The following KIF1B variants were observed in gnomAD, a reference collection of about 807,000 sequenced individuals.
KIF1B encodes kinesin-like protein KIF1B.
In KIF1B, 76 loss-of-function variants were observed where a neutral mutation model predicts 241.9. The observed-to-expected ratio is 0.31, with a 90% CI of 0.26 to 0.38. KIF1B has a LOEUF of 0.38. Ranked by LOEUF, KIF1B falls within the 10% of genes least tolerant of loss-of-function variation. The pLI, the probability that KIF1B is intolerant of heterozygous loss-of-function variation, is 1.00. For synonymous variants in KIF1B, 750 were observed against 796.7 expected (o/e 0.94, Z 0.99); for missense variants, 1,622 against 2,271.4 (o/e 0.71, Z 5.81).
chr1:10,315,067 T>A (rs1319123780), intron 22 of KIF1B, among the ~76,000 whole-genome samples: 1 of 151,312 alleles, frequency 6.6e-6, no homozygotes, highest in Admixed American at 6.6e-5. Context: ...TGAACTTTTG[T>A]ATACCCATAC....
intron 1 of KIF1B, among the ~76,000 whole-genome samples, chr1:10,215,676 G>A (rs958681882): frequency 1.3e-5 from 2 of 151,992 alleles, no homozygotes; most frequent in African/African-American, 4.8e-5. Context: ...CTCCTGAGTA[G>A]CTGGGATCAC....
chr1:10,348,427 A>G (rs1652666107), intron 36 of KIF1B, among the ~76,000 whole-genome samples: 1 of 152,180 alleles, frequency 6.6e-6, no homozygotes, highest in African/African-American at 2.4e-5. Context: ...GAGAAAAAGA[A>G]TTTTTTAAAA....
intron 1 of KIF1B, among the ~76,000 whole-genome samples, chr1:10,229,380 T>A (rs968785050): frequency 1.3e-5 from 2 of 152,120 alleles, no homozygotes; most frequent in Non-Finnish European, 2.9e-5. Flanking sequence ...GAAATGTATG[T>A]CATTCATTTC....
chr1:10,307,740 G>C (rs1650900083), intron 22 of KIF1B: 1 of 1,032,756 alleles, frequency 9.7e-7, no homozygotes, highest in African/African-American at 1.7e-5. Context: ...TGGGAAAAAA[G>C]TGTTTATTCT....
At chr1:10,287,445 T>C (rs1012403054) in intron 15 of KIF1B, among the ~76,000 whole-genome samples, 1 of 152,176 alleles carries the variant, frequency 6.6e-6, no homozygotes, top group African/African-American at 2.4e-5. Flanking sequence ...AGTTTTCTTA[T>C]CTCGTGAATG....
chr1:10,352,788 G>C (rs1569881001), intron 38 of KIF1B, 52 bp downstream of exon 38: 2 of 1,299,682 alleles, frequency 1.5e-6, no homozygotes, highest in African/African-American at 2.9e-5. Context: ...GCGTTAATTG[G>C]TACACCGTTA....
In KIF1B at chr1:10,379,787, G is replaced by T. The variant is rs1638976507; in HGVS notation, c.*3200G>T. 3 of 230,670 alleles carry T rather than the reference G, an allele frequency of 1.3e-5. No homozygotes were observed. In the East Asian group the frequency reaches 1.9e-4, roughly 14 times the overall value. 14.3% of individuals were successfully genotyped at this position (230,670 alleles called of 1,614,324 possible). On this transcript the variant is annotated 3_prime_UTR_variant, in exon 49 of 49. Coordinates refer to ENST00000676179, the MANE Select transcript of KIF1B (RefSeq NM_001365951.3). ...ACCACCAGCCCCAAATCAGTGCTCA[G>T]ACCCTCTCTGTGTCTGTGTGCCCTC...
At chr1:10,309,935 T>C (rs988405097) in intron 22 of KIF1B, among the ~76,000 whole-genome samples, 6 of 151,360 alleles carry the variant, frequency 4.0e-5, no homozygotes, top group Non-Finnish European at 8.8e-5. Context: ...TCTTCCCACC[T>C]CTGGGCTCTT....
chr1:10,250,797 G>T (rs1647394433), intron 2 of KIF1B, among the ~76,000 whole-genome samples: 1 of 152,208 alleles, frequency 6.6e-6, no homozygotes, highest in African/African-American at 2.4e-5. Flanking sequence ...CTGTACTCCA[G>T]CCTGGGTGAC....
chr1:10,288,124 GAAAAGAAAA>G (rs1649802827), intron 15 of KIF1B, among the ~76,000 whole-genome samples: 1 of 151,684 alleles, frequency 6.6e-6, no homozygotes, highest in African/African-American at 2.4e-5. Context: ...GGGCTGGGAG[GAAAAGAAAA>G]AAAAGGAAAA....
chr1:10,270,725 C>A (rs193217421), intron 7 of KIF1B, among the ~76,000 whole-genome samples: 2 of 151,920 alleles, frequency 1.3e-5, no homozygotes, highest in East Asian at 1.9e-4. Flanking sequence ...GAGTTTGAGA[C>A]CAGCCTGGTC....
rs151053483 is a variant in KIF1B at position 10,303,165 on chromosome 1, C to T, written c.2115+5919C>T. 1,761 of 1,610,642 alleles carry T rather than the reference C, an allele frequency of 1.1e-3. 5 individuals carry two copies. The highest frequency in any genetic ancestry group is 1.3e-3 in the Non-Finnish European group (1,498 of 1,178,640). The stretch of plus-strand genomic sequence containing the variant: ...TTTTTGATTTTGTTTTTCCAAAGGA[C>T]GCGGATTCTGATAGCGGGGACGATT... On this transcript the variant is annotated intron_variant, in intron 22 of 48. Transcript: ENST00000676179. This position sits in a 1 kb window ranked among gnomAD's most constrained non-coding sequence, Gnocchi z 5.2.
chr1:10,281,575 C>A (rs1649407710), intron 14 of KIF1B, among the ~76,000 whole-genome samples: 1 of 152,082 alleles, frequency 6.6e-6, no homozygotes, highest in Non-Finnish European at 1.5e-5. Context: ...AAATAATCAG[C>A]CTTATTTTTT....
chr1:10,348,452 A>G (rs1229173839), intron 36 of KIF1B, among the ~76,000 whole-genome samples, 197 bp from the exon 37 acceptor site: 3 of 152,234 alleles, frequency 2.0e-5, no homozygotes, highest in Non-Finnish European at 4.4e-5. Flanking sequence ...AAAGAAAACC[A>G]TATCAGAACC....
chr1:10,299,813 C>T (rs530394327), intron 22 of KIF1B, among the ~76,000 whole-genome samples: 65 of 152,240 alleles, frequency 4.3e-4, no homozygotes, highest in African/African-American at 1.5e-3. Flanking sequence ...TGCATAAGTT[C>T]CTTGCAGAGT....
intron 27 of KIF1B, among the ~76,000 whole-genome samples, chr1:10,328,015 T>C (rs1046070385): frequency 4.6e-5 from 7 of 152,252 alleles, no homozygotes; most frequent in Middle Eastern, 3.4e-3. Context: ...AGTGAGACCC[T>C]GTCTCTTTGA....
chr1:10,272,184 T>G, intron 8 of KIF1B, 57 bp from the exon 9 acceptor site: 1 of 1,030,514 alleles, frequency 9.7e-7, no homozygotes, highest in Non-Finnish European at 1.5e-6. Context: ...ATGTTCTGTA[T>G]GATATAGCAG....
chr1:10,243,611 T>C lies in KIF1B; in HGVS notation c.106+11177T>C, dbSNP rs148710467. ...TACAAAGAGGTATTATTGGCTGTCTTGCCTGGGCTCACATATCTATTAATT... is the reference window on the plus strand; with the variant it reads ...TACAAAGAGGTATTATTGGCTGTCTCGCCTGGGCTCACATATCTATTAATT... On this transcript the variant is annotated intron_variant, in intron 2 of 48. Transcript: ENST00000676179. Among the ~76,000 whole-genome samples the C allele has an allele frequency of 4.0e-3, 617 of 152,362 alleles. 6 individuals carry two copies. Among genetic ancestry groups the C allele is most frequent in the African/African-American group, 0.014 (584 of 41,584 alleles).
chr1:10,315,002 G>A (rs943790430), intron 22 of KIF1B, among the ~76,000 whole-genome samples: 5 of 148,310 alleles, frequency 3.4e-5, no homozygotes, highest in East Asian at 1.9e-4. Flanking sequence ...GTTTTTCCCC[G>A]ACTCCCCAGC....
Sources: allele counts gnomAD v4.1 joint callset (sites outside exome capture counted in the v4.1 genomes callset), GRCh38; gene constraint gnomAD v4.1.1; non-coding constraint Gnocchi (gnomAD v3.1); transcripts MANE v1.5; gene names NCBI Gene and HGNC (gene_info 2026-07-23, HGNC 2026-07-21).